FRMD6: variants seen among roughly 807,000 people sequenced by gnomAD.
FRMD6 encodes FERM domain containing 6, also known as FERM domain-containing protein 6.
Under a neutral mutation model 73.2 loss-of-function variants are expected in FRMD6, and 37 were observed. The ratio of observed to expected loss-of-function variants is 0.51; its 90% CI spans 0.39 to 0.66. FRMD6 has a LOEUF of 0.66. Among genes scored for constraint, FRMD6 ranks in the 30% least tolerant of loss-of-function variants. FRMD6 has a pLI of 0.00. For synonymous variants in FRMD6, 273 were observed against 282.2 expected, an observed-to-expected ratio of 0.97 and a Z score of 0.33; for missense variants, 714 against 780.5, an observed-to-expected ratio of 0.91 and a Z score of 1.02.
intron 1 of FRMD6, among the ~76,000 whole-genome samples, chr14:51,548,300 G>A (rs1482560099): frequency 6.6e-6 from 1 of 152,154 alleles, no homozygotes; most frequent in African/African-American, 2.4e-5. Flanking sequence ...AACATATCTG[G>A]CATTTGTCCC....
chr14:51,706,079 C>T (rs563313973), intron 6 of FRMD6, among the ~76,000 whole-genome samples: 8 of 152,214 alleles, frequency 5.3e-5, no homozygotes, highest in African/African-American at 1.7e-4. Context: ...CTCATTTCTA[C>T]GTATTCCTAC....
chr14:51,525,063 CAAAT>C (rs980186583), intron 1 of FRMD6, among the ~76,000 whole-genome samples: 2 of 82,340 alleles, frequency 2.4e-5, no homozygotes, highest in Non-Finnish European at 4.5e-5. Flanking sequence ...GAGAGACAGA[CAAAT>C]AGAATAGATA....
intron 1 of FRMD6, among the ~76,000 whole-genome samples, chr14:51,490,843 T>C (rs1882963141): frequency 6.6e-6 from 1 of 152,170 alleles, no homozygotes. Flanking sequence ...AAATAAATAC[T>C]GTGTTCCTCT....
chr14:51,605,721 T>A (rs1310500608), intron 2 of FRMD6, among the ~76,000 whole-genome samples: 1 of 152,182 alleles, frequency 6.6e-6, no homozygotes, highest in African/African-American at 2.4e-5. Flanking sequence ...CTTTCTATCA[T>A]TGGAAATGGT....
chr14:51,528,864 C>T (rs540852528), intron 1 of FRMD6, among the ~76,000 whole-genome samples: 2 of 152,198 alleles, frequency 1.3e-5, no homozygotes, highest in African/African-American at 4.8e-5. Flanking sequence ...CTAGAATCAA[C>T]AACCTCTCAC....
chr14:51,717,799 T>G (rs945048475), intron 10 of FRMD6, among the ~76,000 whole-genome samples: 3 of 152,230 alleles, frequency 2.0e-5, no homozygotes, highest in Non-Finnish European at 4.4e-5. Flanking sequence ...AGAGTCACCT[T>G]GTCTAAAACA....
At chr14:51,479,942 G>A in the FRMD6 span, among the ~76,000 whole-genome samples, 1 of 152,168 alleles carries the variant, frequency 6.6e-6, no homozygotes, top group Non-Finnish European at 1.5e-5. Flanking sequence ...AGAGGGTGGG[G>A]TGTGATCATG....
the FRMD6 span, among the ~76,000 whole-genome samples, chr14:51,459,882 C>CTT: frequency 4.3e-5 from 1 of 23,428 alleles, no homozygotes; most frequent in African/African-American, 2.2e-4. Context: ...ATTACTGACT[C>CTT]TCTTTTTTTT....
the FRMD6 span, among the ~76,000 whole-genome samples, chr14:51,425,742 T>C: frequency 6.6e-6 from 1 of 152,196 alleles, no homozygotes; most frequent in African/African-American, 2.4e-5. Context: ...GACCACCCTC[T>C]CTGAGTAGGT....
the FRMD6 span, among the ~76,000 whole-genome samples, chr14:51,482,047 T>C: frequency 6.6e-6 from 1 of 152,224 alleles, no homozygotes; most frequent in Admixed American, 6.5e-5. Context: ...TCAAAAATGT[T>C]GGAAGTTTCA....
chr14:51,455,507 A>T, the FRMD6 span, among the ~76,000 whole-genome samples: 2 of 152,110 alleles, frequency 1.3e-5, no homozygotes. Context: ...GGCAGTTTTT[A>T]TTTCCTCAAA....
At chr14:51,399,182 T>C in the FRMD6 span, among the ~76,000 whole-genome samples, 43 of 152,292 alleles carry the variant, frequency 2.8e-4, no homozygotes, top group African/African-American at 9.4e-4. Context: ...GAGTCAGAAT[T>C]TACCACTCCC....
At chr14:51,459,500 C>T in the FRMD6 span, among the ~76,000 whole-genome samples, 3 of 152,172 alleles carry the variant, frequency 2.0e-5, no homozygotes, top group Non-Finnish European at 4.4e-5. Flanking sequence ...TCTTCCCTTT[C>T]CCAAGCAATA....
upstream of FRMD6, chr14:51,649,840 C>G (rs1171520632): frequency 5.9e-5 from 9 of 152,208 alleles, no homozygotes; most frequent in East Asian, 1.9e-4. Context: ...TTCACTGTGG[C>G]CTCAACCTCC....
At chr14:51,490,637 TAA>T (rs1882944663) in intron 1 of FRMD6, among the ~76,000 whole-genome samples, 1 of 152,076 alleles carries the variant, frequency 6.6e-6, no homozygotes, top group African/African-American at 2.4e-5. Context: ...TGTGTGTGTA[TAA>T]AATGCGAAAT....
chr14:51,722,729 A>C (rs940053285), intron 12 of FRMD6, among the ~76,000 whole-genome samples: 2 of 152,242 alleles, frequency 1.3e-5, no homozygotes, highest in African/African-American at 2.4e-5. Flanking sequence ...TATAGACATC[A>C]GTCAGATCTA....
chr14:51,591,187 C>T (rs1456556826), intron 2 of FRMD6, among the ~76,000 whole-genome samples: 3 of 152,138 alleles, frequency 2.0e-5, no homozygotes, highest in African/African-American at 4.8e-5. Flanking sequence ...GTCCATACTG[C>T]GTCTTTGTGT....
intron 10 of FRMD6, 120 bp from the exon 11 acceptor site, chr14:51,719,935 T>G (rs1897440408): frequency 1.4e-6 from 1 of 716,910 alleles, no homozygotes; most frequent in Non-Finnish European, 2.3e-6. Context: ...AAATTATTAC[T>G]ACTTTCCAAT....
At chr14:51,494,418 G>A (rs919080235) in intron 1 of FRMD6, among the ~76,000 whole-genome samples, 3 of 152,344 alleles carry the variant, frequency 2.0e-5, no homozygotes, top group Admixed American at 6.5e-5. Flanking sequence ...AAGAAGAAAG[G>A]AGTAACTGGT....
Sources: gnomAD v4.1 joint callset for allele counts (sites outside exome capture counted in the v4.1 genomes callset) on GRCh38, gnomAD v4.1.1 for gene constraint, MANE v1.5 for transcripts, NCBI Gene and HGNC (gene_info 2026-07-23, HGNC 2026-07-21) for gene names.